The following ARHGAP20 variants were observed in gnomAD, a reference collection of about 807,000 sequenced individuals.
The protein encoded by ARHGAP20 is Rho GTPase activating protein 20.
In ARHGAP20, 34 loss-of-function variants were observed where a neutral mutation model predicts 73.7. The observed-to-expected ratio is 0.46, with a 90% confidence interval of 0.35 to 0.61. The LOEUF (loss-of-function observed/expected upper bound fraction) is 0.61. ARHGAP20 is among the 20% of genes least tolerant of loss of function. The pLI, the probability that ARHGAP20 is intolerant of heterozygous loss-of-function variation, is 0.00. For synonymous variants in ARHGAP20, 523 were observed against 518.2 expected, an observed-to-expected ratio of 1.01 and a Z score of -0.13; for missense variants, 1,314 against 1,420.9, an observed-to-expected ratio of 0.92 and a Z score of 1.21.
chr11:110,666,863 A>G (rs1281494273), intron 2 of ARHGAP20, among the ~76,000 whole-genome samples: 1 of 152,202 alleles, frequency 6.6e-6, no homozygotes, highest in Non-Finnish European at 1.5e-5. Flanking sequence ...TGATACGGGG[A>G]AAGTTTTAGG....
chr11:110,701,392 A>G (rs1056197831), intron 1 of ARHGAP20, among the ~76,000 whole-genome samples: 2 of 151,880 alleles, frequency 1.3e-5, no homozygotes, highest in Non-Finnish European at 2.9e-5. Flanking sequence ...TTCTTTTGAG[A>G]AGTGTCTGTT....
At position 110,638,666 on chromosome 11, in the gene ARHGAP20, A is replaced by G. The variant is rs527434914; in HGVS notation, c.189-7874T>C. ...ACATATACACCATGGAATACTATGCAGCCATAAAAAATGATGAGTTCATGT... is the reference window on the plus strand; with the variant it reads ...ACATATACACCATGGAATACTATGCGGCCATAAAAAATGATGAGTTCATGT... On this transcript the variant is annotated intron_variant, in intron 2 of 14. Transcript: ENST00000683387. Among the ~76,000 whole-genome samples, 7 of 152,196 alleles carry G rather than the reference A, an allele frequency of 4.6e-5. No homozygotes were observed. The South Asian group carries it at 1.5e-3, about 32-fold the overall frequency.
intron 2 of ARHGAP20, among the ~76,000 whole-genome samples, chr11:110,662,281 A>G (rs771368169): frequency 5.9e-5 from 9 of 151,928 alleles, no homozygotes; most frequent in Non-Finnish European, 1.3e-4. Flanking sequence ...AATAGATTCA[A>G]CTTGAACTAT....
chr11:110,609,548 G>A lies in ARHGAP20; in HGVS notation c.709-498C>T, dbSNP rs574929780. ...CTTTAGTTTAGGCAAGTTCAGTCCT[G>A]GGGAAAGAAAGGACAAGAATTCTGT... On this transcript the variant is annotated intron_variant, in intron 7 of 14. Coordinates refer to ENST00000683387, the MANE Select transcript of ARHGAP20 (RefSeq NM_001384657.1). 3.6e-4 allele frequency among the ~76,000 whole-genome samples: 55 copies of A among 152,248 alleles called. No homozygotes were observed. The Middle Eastern group carries it at 0.01, about 28-fold the overall frequency.
rs7112669 is a variant in ARHGAP20 at position 110,712,111 on chromosome 11, C to A, written c.105+16G>T. 0.061 allele frequency: 80,406 copies of A among 1,311,702 alleles called. 2,768 individuals are homozygous for A. Among genetic ancestry groups the A allele is most frequent in the Middle Eastern group, 0.089 (310 of 3,498 alleles). 81.3% of individuals were successfully genotyped at this position (1,311,702 alleles called of 1,614,324 possible). On this transcript the variant is annotated intron_variant, in intron 1 of 14. Coordinates refer to ENST00000683387, the MANE Select transcript of ARHGAP20 (RefSeq NM_001384657.1). ...TGCGGCGGCGGAGGGCACGGGCCCC[C>A]GCTCAGCGTCCTCACCTTCTTGGTG... is the stretch of plus-strand genomic sequence containing the variant.
rs1948441702 is a variant in ARHGAP20, at chr11:110,614,538, TTTTC to T, written c.630+19_630+22del. On this transcript the variant is annotated intron_variant, in intron 6 of 14. Coordinates refer to ENST00000683387, the MANE Select transcript of ARHGAP20 (RefSeq NM_001384657.1). ...TCTTATGCAGGGACTTGGAATTTAA[TTTTC>T]TGGCTTAGAAACACTTACGTAGGCA... 1 of 1,593,744 alleles carries T rather than the reference TTTTC, an allele frequency of 6.3e-7. No homozygotes were observed. Among genetic ancestry groups the T allele is most frequent in the South Asian group, 1.1e-5 (1 of 90,438 alleles).
At chr11:110,631,763 G>A (rs1948864793) in intron 2 of ARHGAP20, among the ~76,000 whole-genome samples, 1 of 152,142 alleles carries the variant, frequency 6.6e-6, no homozygotes. Context: ...GTCTCATACT[G>A]TGAGGGATTT....
intron 3 of ARHGAP20, among the ~76,000 whole-genome samples, chr11:110,626,667 T>C (rs1248597100): frequency 3.3e-5 from 5 of 152,108 alleles, no homozygotes; most frequent in Admixed American, 1.3e-4. Flanking sequence ...ACTATTCCTA[T>C]AAAGCACCTG....
chr11:110,685,221 T>C (rs1267917996), intron 2 of ARHGAP20, among the ~76,000 whole-genome samples: 1 of 152,156 alleles, frequency 6.6e-6, no homozygotes, highest in East Asian at 1.9e-4. Flanking sequence ...ATAACATATT[T>C]CAACACTTTC....
chr11:110,624,530 G>A (rs1367704043), intron 3 of ARHGAP20, among the ~76,000 whole-genome samples: 1 of 151,980 alleles, frequency 6.6e-6, no homozygotes, highest in Non-Finnish European at 1.5e-5. Flanking sequence ...GGGGGATAAG[G>A]GGAGGGAACT....
chr11:110,612,277 A>T (rs1441121186), intron 6 of ARHGAP20, among the ~76,000 whole-genome samples: 1 of 151,654 alleles, frequency 6.6e-6, no homozygotes, highest in Non-Finnish European at 1.5e-5. Context: ...TACAAAAAAA[A>T]TTTAGCTGGG....
chr11:110,690,027 ACT>A (rs1163308189), intron 2 of ARHGAP20, among the ~76,000 whole-genome samples: 16 of 151,938 alleles, frequency 1.1e-4, no homozygotes, highest in Non-Finnish European at 2.2e-4. Flanking sequence ...TGGTGAAATG[ACT>A]CTGTTAACAG....
chr11:110,705,466 T>C (rs1265285964), intron 1 of ARHGAP20, among the ~76,000 whole-genome samples: 1 of 152,196 alleles, frequency 6.6e-6, no homozygotes, highest in Non-Finnish European at 1.5e-5. Context: ...TTTCAGTCTA[T>C]GAATTCCAAC....
intron 1 of ARHGAP20, 96 bp downstream of exon 1, chr11:110,712,031 T>G (rs1950672440): frequency 8.0e-7 from 1 of 1,243,120 alleles, no homozygotes; most frequent in Non-Finnish European, 1.0e-6. Flanking sequence ...TCCCGCGGCG[T>G]CCGCCTAGCG....
chr11:110,646,623 C>A (rs1591133893), intron 2 of ARHGAP20, among the ~76,000 whole-genome samples: 1 of 152,016 alleles, frequency 6.6e-6, no homozygotes, highest in Non-Finnish European at 1.5e-5. Flanking sequence ...ATATTTTAAT[C>A]CAGTGTATGG....
chr11:110,658,867 T>G (rs1196467424), intron 2 of ARHGAP20, among the ~76,000 whole-genome samples: 3 of 152,188 alleles, frequency 2.0e-5, no homozygotes, highest in African/African-American at 7.2e-5. Context: ...GAAATTGCCC[T>G]TCAAGTGTTG....
At chr11:110,675,915 TC>T (rs1949921003) in intron 2 of ARHGAP20, among the ~76,000 whole-genome samples, 1 of 152,178 alleles carries the variant, frequency 6.6e-6, no homozygotes. Context: ...TTTTTTTTCC[TC>T]CACCAGGTTA....
At chr11:110,711,601 G>T (rs1275957903) in intron 1 of ARHGAP20, 2 of 1,484,422 alleles carry the variant, frequency 1.3e-6, no homozygotes, top group Admixed American at 2.2e-5. Context: ...GAGCAGCCGC[G>T]CCTCGGCGGG....
intron 2 of ARHGAP20, among the ~76,000 whole-genome samples, chr11:110,671,214 T>A (rs1004846002): frequency 1.7e-4 from 26 of 151,620 alleles, no homozygotes; most frequent in Admixed American, 5.2e-4. Flanking sequence ...TCAACCACAT[T>A]AAGACTAAAA....
Sources: gnomAD v4.1 joint callset for allele counts (sites outside exome capture counted in the v4.1 genomes callset) on GRCh38, gnomAD v4.1.1 for gene constraint, MANE v1.5 for transcripts, NCBI Gene and HGNC (gene_info 2026-07-23, HGNC 2026-07-21) for gene names.